The following ATF3 variants were observed in gnomAD, a reference collection of about 807,000 sequenced individuals.
ATF3 encodes activating transcription factor 3.
In ATF3, 10 loss-of-function variants were observed where a neutral mutation model predicts 18.4. That is an observed-to-expected ratio of 0.54 (90% CI 0.34 to 0.92). The LOEUF is 0.92. Ranked by LOEUF, ATF3 falls within the 40% of genes least tolerant of loss-of-function variation. The pLI is 0.02. For synonymous variants in ATF3, 78 were observed against 87.9 expected, an observed-to-expected ratio of 0.89 and a Z score of 0.63; for missense variants, 183 against 222.3, an observed-to-expected ratio of 0.82 and a Z score of 1.12.
In ATF3 at chr1:212,601,174, G is replaced by A. The variant is rs73077745; in HGVS notation, c.-4-13844G>A. On this transcript the variant is annotated intron_variant, in intron 1 of 3. Coordinates refer to the ATF3 transcript ENST00000366981. ...ATGATTCAAGTTCATCGTATTTTGG[G>A]AAAAGAATAAAAGTCCAAAAAGCCC... is the stretch of plus-strand genomic sequence containing the variant. Among the ~76,000 whole-genome samples, 1,262 of 152,254 alleles carry A rather than the reference G, an allele frequency of 8.3e-3. 14 individuals carry two copies. Among genetic ancestry groups the A allele is most frequent in the African/African-American group, 0.029 (1,193 of 41,534 alleles).
intron 1 of ATF3, among the ~76,000 whole-genome samples, chr1:212,580,264 G>A (rs1664658907): frequency 6.6e-6 from 1 of 152,122 alleles, no homozygotes; most frequent in Admixed American, 6.5e-5. Flanking sequence ...TCTCTACAGA[G>A]TGTGAGCTCT....
intron 1 of ATF3, among the ~76,000 whole-genome samples, chr1:212,590,688 C>T (rs915877085): frequency 2.0e-5 from 3 of 152,174 alleles, no homozygotes; most frequent in African/African-American, 7.2e-5. Flanking sequence ...AATGCGGATA[C>T]TCATTTTGCA....
At chr1:212,601,030 C>G (rs755110756) in intron 1 of ATF3, among the ~76,000 whole-genome samples, 1 of 152,118 alleles carries the variant, frequency 6.6e-6, no homozygotes, top group African/African-American at 2.4e-5. Flanking sequence ...AAGTAGACTG[C>G]TGAGAGCAGT....
At chr1:212,586,840 C>T (rs34004542) in intron 1 of ATF3, among the ~76,000 whole-genome samples, 17,959 of 152,116 alleles carry the variant, frequency 0.12, 1,999 homozygotes, top group African/African-American at 0.3. Flanking sequence ...GTGCTGCAAC[C>T]TTAAGAATCC....
chr1:212,595,184 A>T (rs891477457), intron 1 of ATF3, among the ~76,000 whole-genome samples: 11 of 152,236 alleles, frequency 7.2e-5, no homozygotes, highest in Non-Finnish European at 1.5e-4. Flanking sequence ...TATAAAGACC[A>T]AATAGATGTG....
intron 1 of ATF3, among the ~76,000 whole-genome samples, chr1:212,610,615 T>TTC (rs1276752815): frequency 6.6e-6 from 1 of 152,184 alleles, no homozygotes; most frequent in East Asian, 1.9e-4. Flanking sequence ...AGCCTTCTTT[T>TTC]TCTCTCTCTC....
At chr1:212,605,350 T>G (rs142827729), upstream of ATF3, among the ~76,000 whole-genome samples, 235 of 152,320 alleles carry the variant, frequency 1.5e-3, no homozygotes, top group African/African-American at 5.0e-3. Context: ...ATCCCCACAT[T>G]CAAACTGACT....
chr1:212,572,361 T>TAC (rs1350387759), intron 1 of ATF3, among the ~76,000 whole-genome samples: 1 of 151,792 alleles, frequency 6.6e-6, no homozygotes, highest in Non-Finnish European at 1.5e-5. Context: ...CTACTAAAAA[T>TAC]ATAAAATTAG....
At chr1:212,574,964 T>C (rs1354660212) in intron 1 of ATF3, among the ~76,000 whole-genome samples, 1 of 152,128 alleles carries the variant, frequency 6.6e-6, no homozygotes, top group African/African-American at 2.4e-5. Context: ...TGGCTCTTCC[T>C]GGCCCATTCA....
chr1:212,581,218 G>A (rs930840359), intron 1 of ATF3, among the ~76,000 whole-genome samples: 17 of 152,212 alleles, frequency 1.1e-4, no homozygotes, highest in African/African-American at 2.7e-4. Flanking sequence ...AAGGGCTGGC[G>A]CGTGCGCAGG....
At chr1:212,597,705 A>T (rs1257859129) in intron 1 of ATF3, among the ~76,000 whole-genome samples, 1 of 152,148 alleles carries the variant, frequency 6.6e-6, no homozygotes, top group East Asian at 1.9e-4. Context: ...CTAGTGCAGA[A>T]CCAGAACTTG....
chr1:212,615,490 C>T (rs886212002), intron 2 of ATF3, among the ~76,000 whole-genome samples: 3 of 151,876 alleles, frequency 2.0e-5, no homozygotes, highest in African/African-American at 2.4e-5. Context: ...GCAGAGAGAA[C>T]GGGTAGGGAT....
chr1:212,581,672 C>A lies in ATF3; in HGVS notation c.-5+16189C>A, dbSNP rs1558227200. Among the ~76,000 whole-genome samples the A allele has an allele frequency of 2.0e-5, 3 of 152,124 alleles. No homozygotes were observed. In the East Asian group the frequency reaches 5.8e-4, roughly 29 times the overall value. On this transcript the variant is annotated intron_variant, in intron 1 of 3. Coordinates refer to the ATF3 transcript ENST00000366981. ...CCATACTATGAAAATGCAAACCATA[C>A]AATGGTGATTTTGATTTTCATAAAA...
At chr1:212,589,819 TA>T (rs1264211803) in intron 1 of ATF3, among the ~76,000 whole-genome samples, 1 of 145,326 alleles carries the variant, frequency 6.9e-6, no homozygotes, top group African/African-American at 2.6e-5. Flanking sequence ...TTTTTTTTTT[TA>T]AGGAAAAAAC....
upstream of ATF3, among the ~76,000 whole-genome samples, chr1:212,603,768 GTA>G (rs201013932): frequency 9.5e-4 from 92 of 97,266 alleles, no homozygotes; most frequent in African/African-American, 4.1e-3. Flanking sequence ...AAATGTGTGT[GTA>G]TATATATGTG....
chr1:212,608,015 G>A (rs1381545881), upstream of ATF3, among the ~76,000 whole-genome samples: 1 of 152,178 alleles, frequency 6.6e-6, no homozygotes, highest in East Asian at 1.9e-4. Context: ...CTGCGGGCTC[G>A]GGCGCACGGT....
At chr1:212,615,351 T>C (rs988642680) in intron 2 of ATF3, 90 bp downstream of exon 2, 9 of 1,491,328 alleles carry the variant, frequency 6.0e-6, no homozygotes, top group African/African-American at 2.8e-5. Context: ...GGGGCTGTTG[T>C]TGAGAGTGAA....
At chr1:212,591,637 A>C (rs1664887534) in intron 1 of ATF3, among the ~76,000 whole-genome samples, 1 of 152,186 alleles carries the variant, frequency 6.6e-6, no homozygotes, top group Admixed American at 6.5e-5. Flanking sequence ...CTTGATAGTA[A>C]GGCATTCTGC....
intron 1 of ATF3, among the ~76,000 whole-genome samples, chr1:212,589,988 A>C (rs1283041987): frequency 6.6e-6 from 1 of 152,124 alleles, no homozygotes; most frequent in Non-Finnish European, 1.5e-5. Flanking sequence ...TAACTGTTAA[A>C]CTTAAGTTCC....
Sources: gnomAD v4.1 joint callset for allele counts (sites outside exome capture counted in the v4.1 genomes callset) on GRCh38, gnomAD v4.1.1 for gene constraint, MANE v1.5 for transcripts, NCBI Gene and HGNC (gene_info 2026-07-23, HGNC 2026-07-21) for gene names.